NPAS3: variants seen among roughly 807,000 people sequenced by gnomAD.
NPAS3 encodes neuronal PAS domain-containing protein 3.
A neutral mutation model predicts 73.1 loss-of-function variants in NPAS3; 14 were observed. That is an observed-to-expected ratio of 0.19 (90% CI 0.13 to 0.30). The LOEUF is 0.30. Ranked by LOEUF, NPAS3 falls within the 10% of genes least tolerant of loss-of-function variation. The pLI, the probability that NPAS3 is intolerant of heterozygous loss-of-function variation, is 1.00. For missense variants in NPAS3, 1,096 were observed against 1,250.0 expected, an observed-to-expected ratio of 0.88 and a Z score of 1.86; for synonymous variants, 620 against 541.5, an observed-to-expected ratio of 1.14 and a Z score of -2.01.
At chr14:33,791,404 T>G (rs1056488008) in intron 9 of NPAS3, among the ~76,000 whole-genome samples, 2 of 152,222 alleles carry the variant, frequency 1.3e-5, no homozygotes, top group African/African-American at 4.8e-5. Flanking sequence ...AAAGCTGTAT[T>G]ATTATATTCA....
chr14:33,441,696 G>A (rs954923466), intron 4 of NPAS3, among the ~76,000 whole-genome samples: 2 of 152,108 alleles, frequency 1.3e-5, no homozygotes, highest in African/African-American at 2.4e-5. Flanking sequence ...AGACATATCC[G>A]AGACTGGATA....
intron 5 of NPAS3, among the ~76,000 whole-genome samples, chr14:33,633,291 T>C (rs1433948381): frequency 6.6e-6 from 1 of 152,090 alleles, no homozygotes; most frequent in Non-Finnish European, 1.5e-5. Flanking sequence ...GAATGCAAAC[T>C]TATTTGAAAA....
At chr14:33,582,776 G>C (rs141068528) in intron 5 of NPAS3, among the ~76,000 whole-genome samples, 63 of 152,190 alleles carry the variant, frequency 4.1e-4, no homozygotes, top group African/African-American at 1.5e-3. Flanking sequence ...AATAATTATA[G>C]ATATGTATGC....
chr14:33,182,532 T>C (rs2045833516), intron 2 of NPAS3, among the ~76,000 whole-genome samples: 1 of 152,218 alleles, frequency 6.6e-6, no homozygotes, highest in Non-Finnish European at 1.5e-5. Context: ...ATAGTTGTAT[T>C]ACTTGATAAT....
intron 4 of NPAS3, among the ~76,000 whole-genome samples, chr14:33,557,177 A>G (rs1199881266): frequency 1.2e-5 from 1 of 82,450 alleles, no homozygotes; most frequent in African/African-American, 3.9e-5. Flanking sequence ...AGGTTCCGCT[A>G]TACTACATCC....
intron 9 of NPAS3, among the ~76,000 whole-genome samples, chr14:33,789,064 T>A (rs1474996912): frequency 6.6e-6 from 1 of 152,168 alleles, no homozygotes; most frequent in Non-Finnish European, 1.5e-5. Flanking sequence ...TTTCTTTTGA[T>A]TGAACTGTAT....
chr14:33,723,512 A>G (rs973166135), intron 6 of NPAS3, among the ~76,000 whole-genome samples: 4 of 152,034 alleles, frequency 2.6e-5, no homozygotes, highest in Non-Finnish European at 5.9e-5. Flanking sequence ...CTTTTCTACA[A>G]GCCTCACGTC....
intron 3 of NPAS3, among the ~76,000 whole-genome samples, chr14:33,355,894 T>C (rs994540517): frequency 6.6e-6 from 1 of 152,202 alleles, no homozygotes; most frequent in Non-Finnish European, 1.5e-5. Flanking sequence ...TATGTGGAGA[T>C]GTGCATGTGT....
intron 5 of NPAS3, among the ~76,000 whole-genome samples, chr14:33,646,166 G>A (rs942435257): frequency 5.9e-5 from 9 of 152,112 alleles, no homozygotes; most frequent in African/African-American, 1.7e-4. Flanking sequence ...AATTGGGACT[G>A]GAAGGCCATC....
chr14:33,641,948 T>C (rs919048489), intron 5 of NPAS3, among the ~76,000 whole-genome samples: 1 of 152,190 alleles, frequency 6.6e-6, no homozygotes, highest in South Asian at 2.1e-4. Context: ...TTCTCATTTG[T>C]TTTTTAGAGT....
intron 7 of NPAS3, among the ~76,000 whole-genome samples, chr14:33,754,915 C>T (rs2062068392): frequency 6.6e-6 from 1 of 151,992 alleles, no homozygotes; most frequent in Non-Finnish European, 1.5e-5. Context: ...TGACGTGTCT[C>T]ATAGACGAGA....
chr14:33,093,163 A>G (rs1168789052), intron 2 of NPAS3, among the ~76,000 whole-genome samples: 1 of 152,264 alleles, frequency 6.6e-6, no homozygotes, highest in Non-Finnish European at 1.5e-5. Flanking sequence ...AAAAGAAACT[A>G]TCATTAGCGT....
intron 7 of NPAS3, among the ~76,000 whole-genome samples, chr14:33,749,591 A>C (rs1209124160): frequency 6.6e-6 from 1 of 152,228 alleles, no homozygotes; most frequent in Non-Finnish European, 1.5e-5. Context: ...TACTGAAATG[A>C]TATAGAGAGT....
intron 9 of NPAS3, among the ~76,000 whole-genome samples, chr14:33,789,775 G>A (rs1482661896): frequency 6.9e-6 from 1 of 145,448 alleles, no homozygotes; most frequent in Non-Finnish European, 1.5e-5. Flanking sequence ...TTTTTTAGTA[G>A]AGACAGGGTT....
chr14:33,579,300 A>G (rs2056569490), intron 5 of NPAS3, among the ~76,000 whole-genome samples: 1 of 152,240 alleles, frequency 6.6e-6, no homozygotes, highest in African/African-American at 2.4e-5. Context: ...AAAGAAATGC[A>G]GAAATCAATC....
intron 5 of NPAS3, among the ~76,000 whole-genome samples, chr14:33,591,950 T>C (rs1273862372): frequency 6.6e-6 from 1 of 152,190 alleles, no homozygotes; most frequent in African/African-American, 2.4e-5. Context: ...CAGACACCCT[T>C]ACCTGGTACC....
chr14:33,743,793 C>A (rs1235151763), intron 7 of NPAS3, among the ~76,000 whole-genome samples: 1 of 152,230 alleles, frequency 6.6e-6, no homozygotes, highest in East Asian at 1.9e-4. Flanking sequence ...GAAGAATTTG[C>A]TGCAGCTTCT....
intron 2 of NPAS3, among the ~76,000 whole-genome samples, chr14:33,092,430 CA>C (rs2042258835): frequency 6.6e-6 from 1 of 152,126 alleles, no homozygotes; most frequent in African/African-American, 2.4e-5. Context: ...AGGACCTCTT[CA>C]AGGAGAACTA....
chr14:32,969,466 A>G (rs748784033), intron 1 of NPAS3, among the ~76,000 whole-genome samples: 1 of 152,174 alleles, frequency 6.6e-6, no homozygotes, highest in Non-Finnish European at 1.5e-5. Flanking sequence ...CAAAGTTTTC[A>G]TGAGGAAATA....
Sources: gnomAD v4.1 joint callset for allele counts (sites outside exome capture counted in the v4.1 genomes callset) on GRCh38, gnomAD v4.1.1 for gene constraint, MANE v1.5 for transcripts, NCBI Gene and HGNC (gene_info 2026-07-23, HGNC 2026-07-21) for gene names.